The following CACNB2 variants were observed in gnomAD, a reference collection of about 807,000 sequenced individuals.
CACNB2 encodes voltage-dependent L-type calcium channel subunit beta-2.
In CACNB2, 42 loss-of-function variants were observed where a neutral mutation model predicts 73.3. That is an observed-to-expected ratio of 0.57 (90% CI 0.45 to 0.74). CACNB2 has a LOEUF of 0.74. Ranked by LOEUF, CACNB2 falls within the 30% of genes least tolerant of loss-of-function variation. CACNB2 has a pLI of 0.00. For synonymous variants in CACNB2, 348 were observed against 310.3 expected, an observed-to-expected ratio of 1.12 and a Z score of -1.28; for missense variants, 940 against 853.0, an observed-to-expected ratio of 1.10 and a Z score of -1.27.
chr10:18,343,600 A>C (rs1259893618), intron 2 of CACNB2, among the ~76,000 whole-genome samples: 1 of 152,226 alleles, frequency 6.6e-6, no homozygotes, highest in Non-Finnish European at 1.5e-5. Context: ...TATTCAGGGA[A>C]GGTGTATGCC....
intron 2 of CACNB2, among the ~76,000 whole-genome samples, chr10:18,232,693 T>C (rs1022027286): frequency 1.1e-4 from 16 of 152,218 alleles, no homozygotes; most frequent in African/African-American, 3.9e-4. Context: ...AGATATGAAC[T>C]GTTGTTTCCA....
At chr10:18,283,292 C>A (rs576484345) in intron 2 of CACNB2, among the ~76,000 whole-genome samples, 4 of 152,262 alleles carry the variant, frequency 2.6e-5, no homozygotes, top group Non-Finnish European at 4.4e-5. Context: ...ACTAGAAATA[C>A]CATTTGACCC....
intron 2 of CACNB2, chr10:18,261,932 C>A (rs1214157157): frequency 1.9e-6 from 1 of 518,710 alleles, no homozygotes; most frequent in Non-Finnish European, 3.8e-6. Flanking sequence ...TGAAGTGTAT[C>A]ACTACTTAAC....
chr10:18,539,852 T>C lies in CACNB2; in HGVS notation c.*128T>C, dbSNP rs1375678463. On this transcript the variant is annotated 3_prime_UTR_variant, in exon 14 of 14. Coordinates refer to ENST00000324631, the MANE Select transcript of CACNB2 (RefSeq NM_201596.3). Reference sequence around the variant, plus strand: ...ATCTGTCTTGTAATATTTTGTATTATTGCTGTTGCTTGAATAGCAATAGCA... The same window carrying C: ...ATCTGTCTTGTAATATTTTGTATTACTGCTGTTGCTTGAATAGCAATAGCA... 10 of 979,422 alleles carry C rather than the reference T, an allele frequency of 1.0e-5. No homozygotes were observed. Among genetic ancestry groups the C allele is most frequent in the Non-Finnish European group, 3.0e-6 (2 of 665,506 alleles). 60.7% of individuals were successfully genotyped at this position (979,422 alleles called of 1,614,324 possible).
At chr10:18,364,747 T>C (rs1464577036) in intron 2 of CACNB2, among the ~76,000 whole-genome samples, 1 of 152,240 alleles carries the variant, frequency 6.6e-6, no homozygotes, top group Non-Finnish European at 1.5e-5. Flanking sequence ...CAATTTACTT[T>C]CCTCTCCTTG....
At chr10:18,325,090 C>T (rs1332844104) in intron 2 of CACNB2, among the ~76,000 whole-genome samples, 6 of 152,224 alleles carry the variant, frequency 3.9e-5, no homozygotes, top group Non-Finnish European at 8.8e-5. Context: ...TCAGTGTGAA[C>T]TGGGTCCCCC....
At chr10:18,304,609 G>C (rs917898418) in intron 2 of CACNB2, among the ~76,000 whole-genome samples, 6 of 152,068 alleles carry the variant, frequency 3.9e-5, no homozygotes, top group African/African-American at 1.4e-4. Context: ...GTGGGCTAGG[G>C]AAACACCAAG....
At chr10:18,270,174 C>T (rs935880090) in intron 2 of CACNB2, among the ~76,000 whole-genome samples, 11 of 152,090 alleles carry the variant, frequency 7.2e-5, no homozygotes, top group Admixed American at 3.9e-4. Context: ...CTTCACGTGG[C>T]GGCAGGAGAG....
chr10:18,372,243 A>T (rs1204731885), intron 2 of CACNB2, among the ~76,000 whole-genome samples: 2 of 152,076 alleles, frequency 1.3e-5, no homozygotes. Context: ...TTTTGTTGCC[A>T]TTGCTTTTGG....
chr10:18,171,016 G>T (rs537269576), intron 2 of CACNB2, among the ~76,000 whole-genome samples: 24 of 152,240 alleles, frequency 1.6e-4, no homozygotes, highest in Admixed American at 1.2e-3. Context: ...TGCTCTATTT[G>T]GTACCGCTGG....
intron 2 of CACNB2, among the ~76,000 whole-genome samples, chr10:18,393,858 CT>C (rs1334269878): frequency 1.3e-5 from 2 of 152,198 alleles, no homozygotes; most frequent in Admixed American, 1.3e-4. Context: ...GCAGCCAAGT[CT>C]TTCCACAAAA....
chr10:18,397,684 C>T (rs1293648638), intron 2 of CACNB2, among the ~76,000 whole-genome samples: 4 of 140,562 alleles, frequency 2.8e-5, no homozygotes, highest in African/African-American at 1.1e-4. Context: ...CATTGCACTC[C>T]AGCCTGGGCA....
chr10:18,239,271 G>T (rs912966480), intron 2 of CACNB2, among the ~76,000 whole-genome samples: 1 of 152,040 alleles, frequency 6.6e-6, no homozygotes, highest in South Asian at 2.1e-4. Flanking sequence ...CCCGAATAGC[G>T]TGCATTATAC....
chr10:18,179,019 G>A (rs2033743244), intron 2 of CACNB2, among the ~76,000 whole-genome samples: 1 of 152,216 alleles, frequency 6.6e-6, no homozygotes, highest in African/African-American at 2.4e-5. Context: ...CAGCAGGTCT[G>A]TGCTCTGGGT....
At chr10:18,533,074 G>A (rs2133274823) in intron 10 of CACNB2, 1 of 152,148 alleles carries the variant, frequency 6.6e-6, no homozygotes, top group South Asian at 2.1e-4. Context: ...ATTATCTCCA[G>A]GAAGCTTCTG....
chr10:18,366,464 C>CAA (rs58231666), intron 2 of CACNB2, among the ~76,000 whole-genome samples: 1,597 of 99,466 alleles, frequency 0.016, 25 homozygotes, highest in South Asian at 0.055. Context: ...GACTCCGTCT[C>CAA]AAAAAAAAAA....
chr10:18,487,866 A>G (rs2049150525), intron 3 of CACNB2, among the ~76,000 whole-genome samples: 2 of 151,646 alleles, frequency 1.3e-5, no homozygotes, highest in African/African-American at 4.8e-5. Context: ...AGATAGGAAG[A>G]CATACATGGT....
chr10:18,173,691 G>A (rs533509336), intron 2 of CACNB2, among the ~76,000 whole-genome samples: 21 of 152,222 alleles, frequency 1.4e-4, no homozygotes, highest in Admixed American at 3.9e-4. Flanking sequence ...AATATAGAGA[G>A]ACATTTCTAC....
At chr10:18,303,397 C>T (rs1588988455) in intron 2 of CACNB2, among the ~76,000 whole-genome samples, 1 of 152,118 alleles carries the variant, frequency 6.6e-6, no homozygotes, top group African/African-American at 2.4e-5. Context: ...CCCAGCCGCT[C>T]AGGGGGCTGA....
Sources: allele counts gnomAD v4.1 joint callset (sites outside exome capture counted in the v4.1 genomes callset), GRCh38; gene constraint gnomAD v4.1.1; transcripts MANE v1.5; gene names NCBI Gene and HGNC (gene_info 2026-07-23, HGNC 2026-07-21).